Variants in PAPSS1 observed in about 807,000 individuals in gnomAD.
PAPSS1 encodes the protein 3'-phosphoadenosine 5'-phosphosulfate synthase 1, also known as bifunctional 3'-phosphoadenosine 5'-phosphosulfate synthase 1.
In PAPSS1, 50 loss-of-function variants were observed where a neutral mutation model predicts 72.0. The ratio of observed to expected loss-of-function variants is 0.69; its 90% CI spans 0.55 to 0.88. The LOEUF is 0.88. PAPSS1 is among the 40% of genes least tolerant of loss of function. PAPSS1 has a pLI of 0.00. For synonymous variants in PAPSS1, 261 were observed against 263.6 expected (o/e 0.99, Z 0.09); for missense variants, 657 against 782.2 (o/e 0.84, Z 1.91).
intron 9 of PAPSS1, among the ~76,000 whole-genome samples, chr4:107,645,960 A>T (rs922385123): frequency 6.6e-6 from 1 of 152,178 alleles, no homozygotes; most frequent in Non-Finnish European, 1.5e-5. Flanking sequence ...AGACTGTGGC[A>T]TCCTACTTAA....
At chr4:107,624,980 C>T (rs140175878) in intron 11 of PAPSS1, among the ~76,000 whole-genome samples, 14 of 152,162 alleles carry the variant, frequency 9.2e-5, no homozygotes, top group African/African-American at 2.4e-4. Flanking sequence ...TGATAAGACT[C>T]GGCTATGAAG....
rs191893503 is a variant in PAPSS1, at chr4:107,717,150, T to C, written c.60+2970A>G. The stretch of plus-strand genomic sequence containing the variant: ...GATAGTGTTGAACTTATATTAACAT[T>C]GAAAAAACACTGAAATGATAGCATT... On this transcript the variant is annotated intron_variant, in intron 1 of 11. Coordinates refer to ENST00000265174, the MANE Select transcript of PAPSS1 (RefSeq NM_005443.5). Among the ~76,000 whole-genome samples, 90 of 152,312 alleles carry C rather than the reference T, an allele frequency of 5.9e-4. 1 individual carries two copies. The highest frequency in any genetic ancestry group is 2.4e-3 in the Admixed American group (37 of 15,302).
At chr4:107,673,016 A>G (rs531003060) in intron 5 of PAPSS1, among the ~76,000 whole-genome samples, 1 of 152,340 alleles carries the variant, frequency 6.6e-6, no homozygotes, top group South Asian at 2.1e-4. Flanking sequence ...TGTTAGAAGG[A>G]AAACTAACAA....
At chr4:107,634,889 C>G (rs1726321709) in intron 10 of PAPSS1, among the ~76,000 whole-genome samples, 1 of 150,394 alleles carries the variant, frequency 6.6e-6, no homozygotes, top group Non-Finnish European at 1.5e-5. Flanking sequence ...GCTCCGCCTC[C>G]TGGGTTCACA....
At chr4:107,684,842 A>C (rs755763655) in intron 4 of PAPSS1, among the ~76,000 whole-genome samples, 6 of 152,148 alleles carry the variant, frequency 3.9e-5, no homozygotes, top group Non-Finnish European at 8.8e-5. Flanking sequence ...ACATGTTCTC[A>C]GGACCTCCTG....
chr4:107,614,470 T>A (rs1258828090), intron 11 of PAPSS1, 83 bp from the exon 12 acceptor site: 1 of 1,007,010 alleles, frequency 9.9e-7, no homozygotes, highest in Admixed American at 2.6e-5. Flanking sequence ...TCTGTTCATA[T>A]TAGACAAACT....
At chr4:107,630,132 T>C (rs1008496147) in intron 11 of PAPSS1, among the ~76,000 whole-genome samples, 1 of 152,242 alleles carries the variant, frequency 6.6e-6, no homozygotes, top group East Asian at 1.9e-4. Context: ...GATCTCCAGA[T>C]ACCCTCATCC....
intron 7 of PAPSS1, 86 bp from the exon 8 acceptor site, chr4:107,654,986 CTT>C: frequency 4.4e-6 from 4 of 919,332 alleles, no homozygotes; most frequent in South Asian, 1.6e-5. Flanking sequence ...TCAGGGGACA[CTT>C]TTCAAATAAT....
intron 5 of PAPSS1, among the ~76,000 whole-genome samples, chr4:107,668,721 G>A (rs1380732374): frequency 1.3e-5 from 2 of 152,024 alleles, no homozygotes; most frequent in Non-Finnish European, 2.9e-5. Context: ...TCCTCAGCCT[G>A]CAGATGGCCA....
intron 10 of PAPSS1, among the ~76,000 whole-genome samples, chr4:107,643,625 G>A (rs538089199): frequency 2.6e-5 from 4 of 152,138 alleles, no homozygotes; most frequent in East Asian, 1.9e-4. Context: ...AAGCTAACTG[G>A]GCCTATGATG....
intron 3 of PAPSS1, among the ~76,000 whole-genome samples, chr4:107,688,881 CT>C (rs1722851781): frequency 6.6e-6 from 1 of 152,174 alleles, no homozygotes; most frequent in Non-Finnish European, 1.5e-5. Flanking sequence ...AATCCAGTCC[CT>C]TTTCTCTCAA....
At chr4:107,690,677 T>A (rs543235756) in intron 3 of PAPSS1, among the ~76,000 whole-genome samples, 1 of 152,182 alleles carries the variant, frequency 6.6e-6, no homozygotes, top group African/African-American at 2.4e-5. Context: ...TACAGAAAAA[T>A]ACACATGTCC....
Position 107,660,083 on chromosome 4 carries a change from A to G in PAPSS1, c.670-11T>C, listed in dbSNP as rs1344487162. 1 of 1,217,716 alleles carries G rather than the reference A, an allele frequency of 8.2e-7. No homozygotes were observed. The highest frequency in any genetic ancestry group is 1.5e-5 in the African/African-American group (1 of 65,164). 75.4% of individuals were successfully genotyped at this position (1,217,716 alleles called of 1,614,324 possible). A position where few individuals can be genotyped will look rare whatever the true frequency, so the allele number is the denominator to read the frequency against. On this transcript the variant is annotated splice_polypyrimidine_tract_variant and intron_variant, in intron 5 of 11. Transcript: ENST00000265174. ...CACAGGTACAATATCCTATATAACA[A>G]CAGGAGTACAATTTAAATGTTTGAT...
intron 1 of PAPSS1, among the ~76,000 whole-genome samples, chr4:107,708,589 T>C (rs191088545): frequency 2.0e-5 from 3 of 152,302 alleles, no homozygotes; most frequent in Non-Finnish European, 4.4e-5. Flanking sequence ...TGCATAAAAA[T>C]TATCTGTCAA....
intron 2 of PAPSS1, 79 bp downstream of exon 2, chr4:107,701,092 T>C: frequency 1.3e-6 from 1 of 763,800 alleles, no homozygotes; most frequent in Non-Finnish European, 2.2e-6. Context: ...GCTCAAAATT[T>C]AAATATGCTT....
At chr4:107,672,180 C>T (rs1967974) in intron 5 of PAPSS1, among the ~76,000 whole-genome samples, 141,411 of 152,224 alleles carry the variant, frequency 0.93, 65,729 homozygotes, top group South Asian at 0.97. Flanking sequence ...CCAACTGAGG[C>T]ACCGGGCGCA....
chr4:107,649,595 T>C (rs1726785594), intron 9 of PAPSS1, among the ~76,000 whole-genome samples: 1 of 152,212 alleles, frequency 6.6e-6, no homozygotes, highest in Non-Finnish European at 1.5e-5. Context: ...TGCTGTCACT[T>C]ATCATCGAGA....
chr4:107,696,455 C>T (rs1012216831), intron 2 of PAPSS1, among the ~76,000 whole-genome samples: 1 of 152,124 alleles, frequency 6.6e-6, no homozygotes, highest in Non-Finnish European at 1.5e-5. Flanking sequence ...CCATCATCCT[C>T]GGCAAACTAA....
chr4:107,682,940 T>C (rs1722672923), intron 4 of PAPSS1, among the ~76,000 whole-genome samples: 1 of 152,212 alleles, frequency 6.6e-6, no homozygotes, highest in Non-Finnish European at 1.5e-5. Context: ...CAATCACATA[T>C]AATTTTAGTA....
Sources: allele counts gnomAD v4.1 joint callset (sites outside exome capture counted in the v4.1 genomes callset), GRCh38; gene constraint gnomAD v4.1.1; transcripts MANE v1.5; gene names NCBI Gene and HGNC (gene_info 2026-07-23, HGNC 2026-07-21).